MBNL1: variants seen among roughly 807,000 people sequenced by gnomAD.
MBNL1 encodes muscleblind-like protein 1.
MBNL1 carries 8 observed loss-of-function variants against 42.2 expected under a neutral mutation model. That is an observed-to-expected ratio of 0.19 (90% CI 0.11 to 0.34). MBNL1 has a LOEUF of 0.34. Ranked by LOEUF, MBNL1 falls within the 10% of genes least tolerant of loss-of-function variation. The pLI is 1.00. For synonymous variants in MBNL1, 169 were observed against 173.9 expected (o/e 0.97, Z 0.22); for missense variants, 309 against 495.3 (o/e 0.62, Z 3.57).
intron 2 of MBNL1, among the ~76,000 whole-genome samples, chr3:152,333,093 C>A (rs2086464111): frequency 6.6e-6 from 1 of 152,106 alleles, no homozygotes; most frequent in Non-Finnish European, 1.5e-5. Context: ...ATTGTTTGGA[C>A]CCTGCATGTA....
chr3:152,443,508 A>AC (rs61600245), intron 4 of MBNL1, among the ~76,000 whole-genome samples: 44 of 151,140 alleles, frequency 2.9e-4, no homozygotes, highest in African/African-American at 8.0e-4. Context: ...ACACACACAC[A>AC]ACTTTTTATC....
intron 2 of MBNL1, among the ~76,000 whole-genome samples, chr3:152,313,530 A>G (rs1293324773): frequency 6.6e-6 from 1 of 152,240 alleles, no homozygotes; most frequent in African/African-American, 2.4e-5. Context: ...TCAGTTAGAT[A>G]TAAATCATTT....
intron 2 of MBNL1, among the ~76,000 whole-genome samples, chr3:152,401,388 C>G (rs2098212121): frequency 6.6e-6 from 1 of 152,140 alleles, no homozygotes. Flanking sequence ...TTCTCATAAT[C>G]AAATTTAACC....
intron 2 of MBNL1, among the ~76,000 whole-genome samples, chr3:152,380,015 A>G (rs1251511236): frequency 6.6e-6 from 1 of 152,136 alleles, no homozygotes; most frequent in Non-Finnish European, 1.5e-5. Context: ...TATTAATTCT[A>G]AACCTCAAAG....
At chr3:152,363,506 G>A (rs1271094753) in intron 2 of MBNL1, among the ~76,000 whole-genome samples, 1 of 152,032 alleles carries the variant, frequency 6.6e-6, no homozygotes, top group Admixed American at 6.6e-5. Context: ...GGATGAAGAT[G>A]GTAGATAAAT....
chr3:152,387,276 T>C (rs1439142343), intron 2 of MBNL1, among the ~76,000 whole-genome samples: 1 of 151,398 alleles, frequency 6.6e-6, no homozygotes, highest in Non-Finnish European at 1.5e-5. Context: ...GCTATTTTTA[T>C]ATCACTGCGG....
chr3:152,446,303 C>G (rs777013398), intron 5 of MBNL1, among the ~76,000 whole-genome samples: 9 of 152,068 alleles, frequency 5.9e-5, no homozygotes, highest in Non-Finnish European at 8.8e-5. Flanking sequence ...ATGAAATACT[C>G]ATTTTAAAAG....
chr3:152,407,006 T>TTTTC (rs1293223226), intron 2 of MBNL1, among the ~76,000 whole-genome samples: 1 of 152,062 alleles, frequency 6.6e-6, no homozygotes, highest in African/African-American at 2.4e-5. Context: ...ATGTGTGTAT[T>TTTTC]TTTCTTTCTT....
chr3:152,436,765 CT>C (rs932911088), intron 4 of MBNL1, among the ~76,000 whole-genome samples: 2 of 152,104 alleles, frequency 1.3e-5, no homozygotes, highest in African/African-American at 4.8e-5. Flanking sequence ...TGAGTTTTTT[CT>C]TTTTGTGAGG....
intron 1 of MBNL1, 42 bp from the exon 2 acceptor site, chr3:152,299,363 A>G (rs1462574274): frequency 1.4e-5 from 3 of 219,436 alleles, no homozygotes; most frequent in Admixed American, 5.8e-5. Flanking sequence ...ACATCAGTGA[A>G]GTGCTACTTA....
At chr3:152,340,801 G>A in intron 2 of MBNL1, 1 of 1,614,008 alleles carries the variant, frequency 6.2e-7, no homozygotes, top group Non-Finnish European at 8.5e-7. Flanking sequence ...GGACTGGACA[G>A]AACCTACTTT....
chr3:152,360,743 A>G (rs2095869510), intron 2 of MBNL1, among the ~76,000 whole-genome samples: 2 of 152,296 alleles, frequency 1.3e-5, no homozygotes, highest in South Asian at 4.1e-4. Flanking sequence ...AGTATAATAA[A>G]TACCATATAC....
At chr3:152,454,074 G>A (rs1374069044) in intron 6 of MBNL1, among the ~76,000 whole-genome samples, 1 of 152,082 alleles carries the variant, frequency 6.6e-6, no homozygotes, top group Non-Finnish European at 1.5e-5. Flanking sequence ...TAACTTCTTT[G>A]TTATTACTGG....
At chr3:152,420,414 G>A (rs75456064) in intron 3 of MBNL1, among the ~76,000 whole-genome samples, 9,229 of 152,176 alleles carry the variant, frequency 0.061, 825 homozygotes, top group East Asian at 0.3. Flanking sequence ...AGCTTCCAGA[G>A]GAAGGAAAAG....
At chr3:152,368,497 T>C (rs2096527192) in intron 2 of MBNL1, among the ~76,000 whole-genome samples, 1 of 152,170 alleles carries the variant, frequency 6.6e-6, no homozygotes, top group Non-Finnish European at 1.5e-5. Flanking sequence ...TTATACAGGC[T>C]CTTTTTTGGA....
chr3:152,451,376 A>C (rs1332924055), intron 6 of MBNL1, among the ~76,000 whole-genome samples: 10 of 152,252 alleles, frequency 6.6e-5, no homozygotes, highest in African/African-American at 1.2e-4. Context: ...ATTCAACCAT[A>C]CATCCATCCA....
chr3:152,453,198 T>C (rs1011226570), intron 6 of MBNL1, among the ~76,000 whole-genome samples: 14 of 152,270 alleles, frequency 9.2e-5, no homozygotes, highest in Admixed American at 2.0e-4. Context: ...TCAACCTAAA[T>C]AGGACTGAAT....
chr3:152,393,676 G>A (rs1378205455), intron 2 of MBNL1, among the ~76,000 whole-genome samples: 1 of 152,058 alleles, frequency 6.6e-6, no homozygotes. Context: ...ATTGCATTTT[G>A]TATTTCTTTT....
upstream of MBNL1, chr3:152,268,658 C>T (rs2037980243): frequency 2.4e-6 from 1 of 419,306 alleles, no homozygotes; most frequent in Non-Finnish European, 4.8e-6. Context: ...CGCGCGGGCT[C>T]CGGCTTCCTC....
Sources: gnomAD v4.1 joint callset for allele counts (sites outside exome capture counted in the v4.1 genomes callset) on GRCh38, gnomAD v4.1.1 for gene constraint, MANE v1.5 for transcripts, NCBI Gene and HGNC (gene_info 2026-07-23, HGNC 2026-07-21) for gene names.